Variants in PI4KA observed in about 807,000 individuals in gnomAD.
PI4KA encodes phosphatidylinositol 4-kinase alpha.
In PI4KA, 122 loss-of-function variants were observed where a neutral mutation model predicts 271.4. That is an observed-to-expected ratio of 0.45 (90% confidence interval 0.39 to 0.52). PI4KA has a LOEUF of 0.52. Ranked by LOEUF, PI4KA falls within the 20% of genes least tolerant of loss-of-function variation. The pLI is 0.00. For synonymous variants in PI4KA, 1,041 were observed against 1,078.8 expected (o/e 0.96, Z 0.69); for missense variants, 1,969 against 2,769.1 (o/e 0.71, Z 6.48).
At chr22:20,788,439 A>T (rs1344233913) in intron 19 of PI4KA, among the ~76,000 whole-genome samples, 1 of 152,132 alleles carries the variant, frequency 6.6e-6, no homozygotes, top group Non-Finnish European at 1.5e-5. Context: ...CCTTACCCTC[A>T]ATCCCTAGGG....
intron 1 of PI4KA, among the ~76,000 whole-genome samples, chr22:20,842,232 T>A (rs1025591884): frequency 6.6e-6 from 1 of 151,318 alleles, no homozygotes; most frequent in Non-Finnish European, 1.5e-5. Flanking sequence ...CATCTCAATA[T>A]ATACATATTA....
rs775668296 is a variant in PI4KA, at chr22:20,749,892, T to G, written c.3243+13A>C. 7.7e-6 allele frequency: 12 copies of G among 1,554,080 alleles called. No homozygotes were observed. The African/African-American group carries it at 1.4e-4, about 18-fold the overall frequency. ...GGAGCTTATGGCAATTGCCTTTTGA[T>G]GGTTTCAAGTACCTGCAGGTGGGAC... On this transcript the variant is annotated intron_variant, in intron 28 of 54. Coordinates refer to ENST00000255882, the MANE Select transcript of PI4KA (RefSeq NM_058004.4).
intron 2 of PI4KA, among the ~76,000 whole-genome samples, 189 bp downstream of exon 2, chr22:20,838,426 A>T (rs1925152313): frequency 6.6e-6 from 1 of 152,110 alleles, no homozygotes; most frequent in Non-Finnish European, 1.5e-5. Context: ...AAAAAACTCA[A>T]ATTTTCTAAG....
chr22:20,853,606 CAG>C (rs1491087149), intron 1 of PI4KA, among the ~76,000 whole-genome samples: 1 of 152,202 alleles, frequency 6.6e-6, no homozygotes, highest in Non-Finnish European at 1.5e-5. Flanking sequence ...GCTTCACAGA[CAG>C]AGTGTCCTCT....
Position 20,786,790 on chromosome 22 carries a change from T to C in PI4KA, c.2328+6403A>G, listed in dbSNP as rs576855585. 4.1e-4 allele frequency: 549 copies of C among 1,342,068 alleles called. 1 individual carries two copies. The highest frequency in any genetic ancestry group is 2.4e-4 in the Non-Finnish European group (227 of 934,060). 83.1% of individuals were successfully genotyped at this position (1,342,068 alleles called of 1,614,324 possible). A position where few individuals can be genotyped will look rare whatever the true frequency, so the allele number is the denominator to read the frequency against. On this transcript the variant is annotated intron_variant, in intron 19 of 54. Transcript: ENST00000255882. ...CCTTACATGTTGTCTTTGGATCCTT[T>C]CCCTGAATGATATGAGATTGTGCTG... is the stretch of plus-strand genomic sequence containing the variant.
intron 23 of PI4KA, among the ~76,000 whole-genome samples, chr22:20,758,926 C>T (rs916700129): frequency 6.6e-6 from 1 of 152,174 alleles, no homozygotes; most frequent in African/African-American, 2.4e-5. Flanking sequence ...TGGCTCCCAG[C>T]TGCAAAAATA....
At position 20,742,635 on chromosome 22, in the gene PI4KA, G is replaced by A; in HGVS notation, c.3586C>T (p.Leu1196=). The A allele has an allele frequency of 6.2e-7, 1 of 1,614,172 alleles. No homozygotes were observed. The highest frequency in any genetic ancestry group is 8.5e-7 in the Non-Finnish European group (1 of 1,180,016). The change falls in exon 31 of 55, where the codon CTG becomes TTG. Residue 1196 remains leucine (L), a synonymous_variant. Transcript: ENST00000255882. ...TTACTGCTAATGAGCATTGCGGTCA[G>A]CTTGAACATGGCCTGCGTGTAGTGC... The part of the protein sequence containing the change: ...PQHYTQAMFK[L]TAMLISSKDC...
In PI4KA at chr22:20,721,176, G is replaced by A. The variant is rs1236269605; in HGVS notation, c.5116+122C>T. The A allele has an allele frequency of 7.4e-6, 7 of 946,484 alleles. No homozygotes were observed. The Admixed American group carries it at 1.3e-4, about 18-fold the overall frequency. 58.6% of individuals were successfully genotyped at this position (946,484 alleles called of 1,614,324 possible). A position where few individuals can be genotyped will look rare whatever the true frequency, so the allele number is the denominator to read the frequency against. Reference sequence around the variant, plus strand: ...GGTGAGAAGTGCCCCAGCAAAGGGTGGGAGTGGAGGGGTCGGTGAGCTGGG... The same window carrying A: ...GGTGAGAAGTGCCCCAGCAAAGGGTAGGAGTGGAGGGGTCGGTGAGCTGGG... On this transcript the variant is annotated intron_variant, in intron 43 of 54. Transcript: ENST00000255882.
At chr22:20,785,067 C>CT (rs1555894632) in intron 19 of PI4KA, among the ~76,000 whole-genome samples, 1,730 of 134,426 alleles carry the variant, frequency 0.013, 31 homozygotes, top group African/African-American at 0.035. Flanking sequence ...GGGACTGCAT[C>CT]TTTTTTTTTT....
At chr22:20,856,832 C>G (rs1216809815) in intron 1 of PI4KA, among the ~76,000 whole-genome samples, 1 of 152,184 alleles carries the variant, frequency 6.6e-6, no homozygotes, top group African/African-American at 2.4e-5. Flanking sequence ...GCTGAAGAAG[C>G]AAATTGAGCT....
chr22:20,797,658 TC>T (rs1299938899), intron 17 of PI4KA, among the ~76,000 whole-genome samples: 1 of 152,148 alleles, frequency 6.6e-6, no homozygotes, highest in African/African-American at 2.4e-5. Flanking sequence ...GCAATCTCAT[TC>T]CCAACTGCAG....
chr22:20,811,616 A>AAAC (rs1921021253), intron 8 of PI4KA, among the ~76,000 whole-genome samples: 1 of 151,940 alleles, frequency 6.6e-6, no homozygotes, highest in Admixed American at 6.6e-5. Flanking sequence ...ACAAAAAAAA[A>AAAC]AAAAAAACTG....
chr22:20,719,099 A>T (rs1326138601), intron 43 of PI4KA, among the ~76,000 whole-genome samples: 1 of 152,138 alleles, frequency 6.6e-6, no homozygotes. Flanking sequence ...ACGCAGGAAG[A>T]AAAAAGCCCG....
chr22:20,819,688 C>T lies in PI4KA; in HGVS notation c.742G>A (p.Glu248Lys). Residue 248 changes from glutamate (E) to lysine (K), a missense_variant, in exon 6 of 55, where the codon GAG becomes AAG. By Grantham distance (56) the Glu-to-Lys change is moderately conservative. Coordinates refer to ENST00000255882, the MANE Select transcript of PI4KA (RefSeq NM_058004.4). ...CTGGTTTTCCTCTTCAGGGTACCCT[C>T]CTGACAGACAGTCAGCAGATTGCTG... ...LPSNLLTVCQ[E>K]GTLKRKTSSV... 1 of 1,614,056 alleles carries T rather than the reference C, an allele frequency of 6.2e-7. No homozygotes were observed. The highest frequency in any genetic ancestry group is 8.5e-7 in the Non-Finnish European group (1 of 1,179,978).
chr22:20,785,079 T>G (rs1934114713), intron 19 of PI4KA, among the ~76,000 whole-genome samples: 1 of 151,384 alleles, frequency 6.6e-6, no homozygotes, highest in Non-Finnish European at 1.5e-5. Context: ...TTTTTTTTTT[T>G]TTTTTTTTGA....
rs188321391 is a variant in PI4KA, at chr22:20,841,380, A to G, written c.157-2649T>C. Reference sequence around the variant, plus strand: ...TTTTTACCATCCTCAATTCCTCTGGACTGCCAGGGCCTCCTCTCTTTCAAA... The same window carrying G: ...TTTTTACCATCCTCAATTCCTCTGGGCTGCCAGGGCCTCCTCTCTTTCAAA... On this transcript the variant is annotated intron_variant, in intron 1 of 54. Coordinates refer to ENST00000255882, the MANE Select transcript of PI4KA (RefSeq NM_058004.4). Among the ~76,000 whole-genome samples the G allele has an allele frequency of 9.9e-5, 15 of 152,264 alleles. No homozygotes were observed. The East Asian group carries it at 2.9e-3, about 29-fold the overall frequency.
chr22:20,783,967 T>C (rs1934001025), intron 19 of PI4KA: 2 of 1,614,192 alleles, frequency 1.2e-6, no homozygotes, highest in East Asian at 2.2e-5. Context: ...CTGTGGCCTT[T>C]ACAGGATCCT....
intron 1 of PI4KA, 54 bp downstream of exon 1, chr22:20,858,516 T>TC: frequency 8.1e-7 from 1 of 1,238,154 alleles, no homozygotes; most frequent in Non-Finnish European, 1.0e-6. Flanking sequence ...CCTCCACGCT[T>TC]CGTCACCCCA....
chr22:20,745,520 G>A (rs974547317), intron 29 of PI4KA, among the ~76,000 whole-genome samples: 3 of 152,110 alleles, frequency 2.0e-5, no homozygotes, highest in Non-Finnish European at 2.9e-5. Flanking sequence ...AGGACCAGGA[G>A]AAGAAAATAC....
Sources: allele counts gnomAD v4.1 joint callset (sites outside exome capture counted in the v4.1 genomes callset), GRCh38; gene constraint gnomAD v4.1.1; transcripts MANE v1.5; gene names NCBI Gene and HGNC (gene_info 2026-07-23, HGNC 2026-07-21).